Variants in WIPF2 observed in about 807,000 individuals in gnomAD.
WIPF2 encodes WAS/WASL interacting protein family member 2, also known as WAS/WASL-interacting protein family member 2.
WIPF2 carries 23 observed loss-of-function variants against 38.8 expected under a neutral mutation model. The observed-to-expected ratio is 0.59, with a 90% CI of 0.43 to 0.84. The LOEUF is 0.84. Among genes scored for constraint, WIPF2 ranks in the 40% least tolerant of loss-of-function variants. The pLI, the probability that WIPF2 is intolerant of heterozygous loss-of-function variation, is 0.00. For synonymous variants in WIPF2, 210 were observed against 223.2 expected (o/e 0.94, Z 0.53); for missense variants, 574 against 580.5 (o/e 0.99, Z 0.11).
chr17:40,258,771 T>A (rs1356318526), intron 2 of WIPF2, among the ~76,000 whole-genome samples: 1 of 151,492 alleles, frequency 6.6e-6, no homozygotes, highest in East Asian at 2.0e-4. Context: ...GGAAAGATAC[T>A]GATTTGGTAT....
At chr17:40,220,152 T>G (rs1043506482) in intron 1 of WIPF2, among the ~76,000 whole-genome samples, 5 of 151,986 alleles carry the variant, frequency 3.3e-5, no homozygotes, top group African/African-American at 4.8e-5. Context: ...TTTTTTTTTT[T>G]TTGTTTTAAA....
chr17:40,226,306 C>T (rs995235344), intron 1 of WIPF2, among the ~76,000 whole-genome samples: 14 of 151,090 alleles, frequency 9.3e-5, no homozygotes, highest in South Asian at 2.1e-4. Context: ...CGGGTTCATG[C>T]GATTATCCTG....
intron 6 of WIPF2, 77 bp downstream of exon 6, chr17:40,274,076 C>T: frequency 7.9e-7 from 1 of 1,262,210 alleles, no homozygotes; most frequent in South Asian, 1.6e-5. Context: ...TGCTAGATGG[C>T]CACCATAGAG....
intron 1 of WIPF2, among the ~76,000 whole-genome samples, chr17:40,250,230 T>TG (rs2031512211): frequency 2.6e-5 from 3 of 113,828 alleles, no homozygotes; most frequent in African/African-American, 1.0e-4. Flanking sequence ...TTTTTTTTTT[T>TG]TTTTTTTTTT....
intron 3 of WIPF2, among the ~76,000 whole-genome samples, chr17:40,262,183 C>T (rs533311717): frequency 2.0e-5 from 3 of 150,900 alleles, no homozygotes; most frequent in Non-Finnish European, 4.4e-5. Context: ...CAGGCTCAAT[C>T]GAGCCTCCCA....
At chr17:40,246,925 CAT>C (rs2031386577) in intron 1 of WIPF2, among the ~76,000 whole-genome samples, 2 of 150,750 alleles carry the variant, frequency 1.3e-5, no homozygotes, top group Non-Finnish European at 3.0e-5. Context: ...GTCTGGCCAA[CAT>C]AGTGAAACCC....
chr17:40,268,076 A>G (rs2032145570), intron 5 of WIPF2, among the ~76,000 whole-genome samples: 1 of 152,072 alleles, frequency 6.6e-6, no homozygotes, highest in African/African-American at 2.4e-5. Context: ...TGAGCCTGGG[A>G]GGTGGAGGCT....
chr17:40,274,027 TGGTTCCTGC>T (rs1407103957), intron 6 of WIPF2, 28 bp downstream of exon 6: 2 of 1,505,814 alleles, frequency 1.3e-6, no homozygotes, highest in East Asian at 4.8e-5. Context: ...TGTAGTCTCA[TGGTTCCTGC>T]GGTGACTTCA....
chr17:40,222,797 A>G (rs1173782264), intron 1 of WIPF2, among the ~76,000 whole-genome samples: 1 of 146,042 alleles, frequency 6.8e-6, no homozygotes, highest in African/African-American at 2.6e-5. Context: ...CAGTCCCCCA[A>G]GTAACTGGTA....
At chr17:40,263,754 G>C (rs1410816448) in intron 4 of WIPF2, among the ~76,000 whole-genome samples, 1 of 151,548 alleles carries the variant, frequency 6.6e-6, no homozygotes, top group African/African-American at 2.4e-5. Flanking sequence ...TGTTGGCCAG[G>C]CTGGTCTCAA....
intron 4 of WIPF2, among the ~76,000 whole-genome samples, 169 bp from the exon 5 acceptor site, chr17:40,264,321 C>G (rs1254671973): frequency 9.9e-6 from 1 of 100,606 alleles, no homozygotes; most frequent in Non-Finnish European, 1.8e-5. Flanking sequence ...AGCGAAACTT[C>G]GTCTCAAAAA....
intron 3 of WIPF2, 107 bp downstream of exon 3, chr17:40,260,774 C>T (rs746366087): frequency 2.8e-6 from 4 of 1,446,980 alleles, no homozygotes; most frequent in African/African-American, 2.8e-5. Flanking sequence ...GAGTTTTGTC[C>T]TGGGATGTGC....
intron 5 of WIPF2, among the ~76,000 whole-genome samples, chr17:40,266,575 G>A (rs1184995542): frequency 6.6e-6 from 1 of 152,158 alleles, no homozygotes; most frequent in Non-Finnish European, 1.5e-5. Flanking sequence ...ATTGGAGATA[G>A]CAATATAGAA....
intron 5 of WIPF2, among the ~76,000 whole-genome samples, chr17:40,265,885 T>G (rs1433723607): frequency 6.6e-6 from 1 of 152,178 alleles, no homozygotes; most frequent in Non-Finnish European, 1.5e-5. Flanking sequence ...GACCAGTTAC[T>G]GGGCTGTTGC....
At chr17:40,263,994 A>G (rs1389234292) in intron 4 of WIPF2, among the ~76,000 whole-genome samples, 1 of 152,174 alleles carries the variant, frequency 6.6e-6, no homozygotes, top group Non-Finnish European at 1.5e-5. Context: ...ATAAAGTAAC[A>G]TTTAAAATAA....
At chr17:40,225,435 A>G (rs1011659603) in intron 1 of WIPF2, among the ~76,000 whole-genome samples, 2 of 152,076 alleles carry the variant, frequency 1.3e-5, no homozygotes, top group African/African-American at 4.8e-5. Flanking sequence ...TCTCTTTAAG[A>G]TTTTGGCTCA....
At chr17:40,276,335 C>T (rs1176600597) in intron 6 of WIPF2, among the ~76,000 whole-genome samples, 2 of 151,796 alleles carry the variant, frequency 1.3e-5, no homozygotes, top group Non-Finnish European at 2.9e-5. Context: ...CAAGACCAGC[C>T]TGGCCAACAT....
intron 1 of WIPF2, among the ~76,000 whole-genome samples, chr17:40,250,245 T>TA (rs2031513426): frequency 7.4e-6 from 1 of 135,504 alleles, no homozygotes; most frequent in Non-Finnish European, 1.6e-5. Flanking sequence ...TTTTTTTTTT[T>TA]TTGAGACAAA....
At chr17:40,238,432 T>G (rs1044164078) in intron 1 of WIPF2, among the ~76,000 whole-genome samples, 2 of 151,932 alleles carry the variant, frequency 1.3e-5, no homozygotes, top group Admixed American at 1.3e-4. Flanking sequence ...GCCTCCCAAA[T>G]AGCTGGGATT....
Sources: allele counts gnomAD v4.1 joint callset (sites outside exome capture counted in the v4.1 genomes callset), GRCh38; gene constraint gnomAD v4.1.1; transcripts MANE v1.5; gene names NCBI Gene and HGNC (gene_info 2026-07-23, HGNC 2026-07-21).